The following HPSE2 variants were observed in gnomAD, a reference collection of about 807,000 sequenced individuals.
HPSE2 encodes heparanase 2 (inactive).
Under a neutral mutation model 60.5 loss-of-function variants are expected in HPSE2, and 38 were observed. The ratio of observed to expected loss-of-function variants is 0.63; its 90% CI spans 0.48 to 0.82. The LOEUF is 0.82. HPSE2 is among the 40% of genes least tolerant of loss of function. The probability of loss-of-function intolerance (pLI) is 0.00; values close to 1 mark genes in which losing one functional copy is unlikely to be tolerated. For synonymous variants in HPSE2, 295 were observed against 293.2 expected (o/e 1.01, Z -0.06); for missense variants, 713 against 740.4 (o/e 0.96, Z 0.43).
rs138610114 is a variant in HPSE2 at position 98,583,670 on chromosome 10, A to T, written c.1320+31234T>A. ...ACAGCTCCCTGGTTTGTGTGCCCCAAATTATAATTCTTGTATATTATTTCT... is the reference window on the plus strand; with the variant it reads ...ACAGCTCCCTGGTTTGTGTGCCCCATATTATAATTCTTGTATATTATTTCT... On this transcript the variant is annotated intron_variant, in intron 9 of 11. Coordinates refer to ENST00000370552, the MANE Select transcript of HPSE2 (RefSeq NM_021828.5). 4.3e-3 allele frequency among the ~76,000 whole-genome samples: 651 copies of T among 152,268 alleles called. 8 individuals are homozygous for T. The highest frequency in any genetic ancestry group is 0.015 in the African/African-American group (623 of 41,550).
intron 3 of HPSE2, among the ~76,000 whole-genome samples, chr10:99,025,890 A>C (rs1957367314): frequency 1.3e-5 from 2 of 152,122 alleles, no homozygotes; most frequent in South Asian, 4.1e-4. Flanking sequence ...AAGTTAAAAA[A>C]AAATTATCAG....
chr10:98,928,670 G>A (rs1482788935), intron 3 of HPSE2, among the ~76,000 whole-genome samples: 1 of 134,680 alleles, frequency 7.4e-6, no homozygotes, highest in Non-Finnish European at 1.5e-5. Flanking sequence ...TAAAAATGAT[G>A]AGTTCATGTC....
At chr10:98,695,525 T>C (rs1379228980) in intron 5 of HPSE2, among the ~76,000 whole-genome samples, 1 of 152,202 alleles carries the variant, frequency 6.6e-6, no homozygotes, top group East Asian at 1.9e-4. Context: ...TTATTTCTTA[T>C]AATTCTTAAA....
chr10:98,532,125 G>A (rs1276276124), intron 9 of HPSE2, among the ~76,000 whole-genome samples: 4 of 152,174 alleles, frequency 2.6e-5, no homozygotes, highest in African/African-American at 9.7e-5. Flanking sequence ...ATGTTTGCCT[G>A]TTTAACATGA....
rs138753987 is a variant in HPSE2, at chr10:98,616,227, C to G, written c.1206-1209G>C. Among the ~76,000 whole-genome samples, 43 of 152,272 alleles carry G rather than the reference C, an allele frequency of 2.8e-4. No homozygotes were observed. The East Asian group carries it at 8.1e-3, about 29-fold the overall frequency. ...CTTCCCCAGATCTCTTATTCATACCCTCAGAAAGTCCACAGAAAGAATCAC... is the reference window on the plus strand; with the variant it reads ...CTTCCCCAGATCTCTTATTCATACCGTCAGAAAGTCCACAGAAAGAATCAC... On this transcript the variant is annotated intron_variant, in intron 8 of 11. Transcript: ENST00000370552.
At chr10:99,048,964 G>C (rs185312951) in intron 3 of HPSE2, among the ~76,000 whole-genome samples, 1 of 152,128 alleles carries the variant, frequency 6.6e-6, no homozygotes, top group East Asian at 1.9e-4. Flanking sequence ...AATCCTAAGT[G>C]AACTAACACA....
chr10:98,852,113 A>ATATATGTGTGTGTGTGTGTGTG (rs779720749), intron 3 of HPSE2, among the ~76,000 whole-genome samples: 2 of 91,930 alleles, frequency 2.2e-5, no homozygotes, highest in Non-Finnish European at 4.2e-5. Context: ...GTATATTATG[A>ATATATGTGTGTGTGTGTGTGTG]TGTGTGTGTG....
At chr10:98,811,445 G>C (rs534760231) in intron 3 of HPSE2, among the ~76,000 whole-genome samples, 17 of 152,182 alleles carry the variant, frequency 1.1e-4, no homozygotes, top group African/African-American at 3.9e-4. Flanking sequence ...AATATTTGTA[G>C]AATTAATGAA....
chr10:99,082,547 T>G (rs1456301422), intron 3 of HPSE2, among the ~76,000 whole-genome samples: 1 of 152,204 alleles, frequency 6.6e-6, no homozygotes, highest in East Asian at 1.9e-4. Context: ...TCATCTACCT[T>G]ATATACCCAG....
At chr10:99,162,303 C>T (rs1846876693) in intron 2 of HPSE2, among the ~76,000 whole-genome samples, 1 of 152,100 alleles carries the variant, frequency 6.6e-6, no homozygotes, top group South Asian at 2.1e-4. Flanking sequence ...ATCTTAAAAC[C>T]TTGGGACTTC....
At chr10:99,017,395 A>C (rs1159384435) in intron 3 of HPSE2, among the ~76,000 whole-genome samples, 1 of 152,154 alleles carries the variant, frequency 6.6e-6, no homozygotes, top group Non-Finnish European at 1.5e-5. Context: ...GTGGTGAATA[A>C]GCTTTTTGAT....
At chr10:98,609,786 C>A (rs1453397681) in intron 9 of HPSE2, among the ~76,000 whole-genome samples, 1 of 149,572 alleles carries the variant, frequency 6.7e-6, no homozygotes, top group African/African-American at 2.4e-5. Flanking sequence ...TAGTTCCAGG[C>A]TCCTGCTGTT....
chr10:98,897,519 A>G (rs1403473556), intron 3 of HPSE2, among the ~76,000 whole-genome samples: 4 of 152,150 alleles, frequency 2.6e-5, no homozygotes, highest in African/African-American at 9.7e-5. Context: ...ACACATTAAT[A>G]GAACAGAGTA....
At chr10:99,105,134 C>T (rs1589664532) in intron 3 of HPSE2, among the ~76,000 whole-genome samples, 1 of 151,610 alleles carries the variant, frequency 6.6e-6, no homozygotes, top group Non-Finnish European at 1.5e-5. Flanking sequence ...GGGTATCCAG[C>T]CTGTCTATTG....
At chr10:99,234,749 T>A (rs1210347126) in intron 1 of HPSE2, among the ~76,000 whole-genome samples, 3 of 152,012 alleles carry the variant, frequency 2.0e-5, no homozygotes, top group Non-Finnish European at 4.4e-5. Flanking sequence ...TTTCTAGGAC[T>A]CTTACCGCTT....
intron 3 of HPSE2, among the ~76,000 whole-genome samples, chr10:98,748,337 T>G (rs1949675709): frequency 6.6e-6 from 1 of 152,124 alleles, no homozygotes; most frequent in Non-Finnish European, 1.5e-5. Context: ...ATCTAAGACA[T>G]ATGTTCTACA....
chr10:99,036,825 G>A lies in HPSE2; in HGVS notation c.610+107413C>T, dbSNP rs145377258. ...GTCCAGAAATCCCTCCATACTCCTC[G>A]TTTCATGGGGTGAAGCTTAATTCCC... On this transcript the variant is annotated intron_variant, in intron 3 of 11. Coordinates refer to ENST00000370552, the MANE Select transcript of HPSE2 (RefSeq NM_021828.5). 2.3e-3 allele frequency among the ~76,000 whole-genome samples: 354 copies of A among 152,194 alleles called. 2 individuals are homozygous for A. The highest frequency in any genetic ancestry group is 3.9e-3 in the Non-Finnish European group (266 of 68,004).
At chr10:99,268,584 T>G in the HPSE2 span, among the ~76,000 whole-genome samples, 1 of 148,864 alleles carries the variant, frequency 6.7e-6, no homozygotes, top group Admixed American at 6.7e-5. Context: ...AGACAGAGGT[T>G]GCAGTGAGCC....
chr10:99,139,822 A>T (rs1845800703), intron 3 of HPSE2, among the ~76,000 whole-genome samples: 1 of 152,224 alleles, frequency 6.6e-6, no homozygotes, highest in African/African-American at 2.4e-5. Context: ...TTGTAGGAAA[A>T]TACATTTGTG....
Sources: gnomAD v4.1 joint callset for allele counts (sites outside exome capture counted in the v4.1 genomes callset) on GRCh38, gnomAD v4.1.1 for gene constraint, MANE v1.5 for transcripts, NCBI Gene and HGNC (gene_info 2026-07-23, HGNC 2026-07-21) for gene names.